UBE2U: variants seen among roughly 807,000 people sequenced by gnomAD.
UBE2U encodes ubiquitin-conjugating enzyme E2 U.
In UBE2U, 39 loss-of-function variants were observed where a neutral mutation model predicts 41.2. The observed-to-expected ratio is 0.95, with a 90% confidence interval of 0.73 to 1.24. The LOEUF is 1.24. UBE2U is among the 50% of genes most tolerant of loss of function. The probability of loss-of-function intolerance (pLI) is 0.00; values close to 1 mark genes in which losing one functional copy is unlikely to be tolerated. For synonymous variants in UBE2U, 107 were observed against 117.8 expected, an observed-to-expected ratio of 0.91 and a Z score of 0.60; for missense variants, 336 against 363.1, an observed-to-expected ratio of 0.93 and a Z score of 0.61.
chr1:64,210,456 A>G (rs1651595713), intron 3 of UBE2U, among the ~76,000 whole-genome samples: 1 of 152,182 alleles, frequency 6.6e-6, no homozygotes, highest in African/African-American at 2.4e-5. Context: ...AGACTCAGAA[A>G]TTGCACACTT....
chr1:64,211,449 T>C (rs1219431433), intron 4 of UBE2U, among the ~76,000 whole-genome samples: 1 of 152,204 alleles, frequency 6.6e-6, no homozygotes, highest in Non-Finnish European at 1.5e-5. Flanking sequence ...CTTTTCTTTT[T>C]TTCTTTTTGA....
chr1:64,249,021 C>T (rs11586998), intron 8 of UBE2U, among the ~76,000 whole-genome samples: 25,622 of 152,052 alleles, frequency 0.17, 2,492 homozygotes, highest in East Asian at 0.42. Context: ...TTTAAAGAAA[C>T]ATAACAAAAT....
At position 64,260,672 on chromosome 1, in the gene UBE2U, A is replaced by C; in HGVS notation, c.747A>C (p.Glu249Asp). 6.5e-7 allele frequency: 1 copy of C among 1,549,730 alleles called. No individual in the cohort carries two copies. The highest frequency in any genetic ancestry group is 2.5e-5 in the East Asian group (1 of 40,810). The part of the protein sequence containing the change: ...MPHEVTHSME[E>D]IKLCPTLNEI... ...ATGAAGTCACTCACTCAATGGAAGA[A>C]ATTAAGCTCTGCCCAACTCTAAGTA... Residue 249 changes from glutamate (E) to aspartate (D), a missense_variant, in exon 9 of 10, where the codon GAA becomes GAC. Transcript: ENST00000371077.
Position 64,239,157 on chromosome 1 carries a change from A to AAGAAGAAGAAGAAGAGAAGAAG in UBE2U, c.596-2494_596-2493insGAAGAAGAAGAAGAGAAGAAGA. ...GAAGAAGAAGAAGAAGAAGAAGAAGAAAGAAGAAGAAGAAGAAGAAGAAGA... is the reference window on the plus strand; with the variant it reads ...GAAGAAGAAGAAGAAGAAGAAGAAGAAGAAGAAGAAGAAGAGAAGAAGAAGAAGAAGAAGAAGAAGAAGAAGA... On this transcript the variant is annotated intron_variant, in intron 7 of 9. Transcript: ENST00000371077. Among the ~76,000 whole-genome samples, 5 of 37,068 alleles carry AAGAAGAAGAAGAAGAGAAGAAG rather than the reference A, an allele frequency of 1.3e-4. No individual in the cohort carries two copies. The East Asian group carries it at 4.1e-3, about 31-fold the overall frequency. 24.3% of individuals were successfully genotyped at this position (37,068 alleles called of 152,430 possible).
intron 8 of UBE2U, among the ~76,000 whole-genome samples, chr1:64,248,569 G>GTTT (rs60816978): frequency 5.9e-4 from 85 of 144,742 alleles, no homozygotes; most frequent in Admixed American, 7.6e-4. Flanking sequence ...CATTTTACTT[G>GTTT]TTTTTTTTTT....
intron 6 of UBE2U, among the ~76,000 whole-genome samples, chr1:64,230,235 C>T (rs994159211): frequency 6.6e-6 from 1 of 152,162 alleles, no homozygotes; most frequent in Non-Finnish European, 1.5e-5. Context: ...GGTCCCCTGG[C>T]ATTTAATCTC....
chr1:64,214,784 G>A (rs994653914), intron 4 of UBE2U, 31 bp from the exon 5 acceptor site: 2 of 1,587,798 alleles, frequency 1.3e-6, no homozygotes, highest in African/African-American at 2.7e-5. Flanking sequence ...GTTTACTTCT[G>A]AAATTATATG....
At chr1:64,244,305 A>G in intron 8 of UBE2U, 1 of 1,059,914 alleles carries the variant, frequency 9.4e-7, no homozygotes, top group Non-Finnish European at 1.2e-6. Context: ...TATATATATG[A>G]TTTCATTCGA....
At chr1:64,244,078 C>G (rs372094272) in intron 8 of UBE2U, 16 of 1,293,244 alleles carry the variant, frequency 1.2e-5, no homozygotes, top group Non-Finnish European at 1.8e-5. Flanking sequence ...TCATAAAGTT[C>G]GCTATTATTC....
intron 1 of UBE2U, among the ~76,000 whole-genome samples, chr1:64,204,989 A>G (rs1253627847): frequency 6.6e-6 from 1 of 152,174 alleles, no homozygotes; most frequent in Non-Finnish European, 1.5e-5. Context: ...AGAGAATCCA[A>G]TGAAGGAATA....
At chr1:64,219,564 G>A (rs1652276534) in intron 5 of UBE2U, among the ~76,000 whole-genome samples, 1 of 150,850 alleles carries the variant, frequency 6.6e-6, no homozygotes, top group African/African-American at 2.4e-5. Context: ...TTGAATGTTG[G>A]GTCTATTGAT....
rs888127808 is a variant in UBE2U at position 64,203,730 on chromosome 1, G to A, written c.-321G>A. Reference sequence around the variant, plus strand: ...CACCTCTCACTCCCACTCACGCGCCGACGACATGGGCTTGTCTCCGTTACT... The same window carrying A: ...CACCTCTCACTCCCACTCACGCGCCAACGACATGGGCTTGTCTCCGTTACT... On this transcript the variant is annotated 5_prime_UTR_variant, in exon 1 of 10. Coordinates refer to ENST00000371077, the MANE Select transcript of UBE2U (RefSeq NM_001366232.2). 15 of 250,298 alleles carry A rather than the reference G, an allele frequency of 6.0e-5. No homozygotes were observed. Among genetic ancestry groups the A allele is most frequent in the African/African-American group, 3.1e-4 (14 of 45,206 alleles). 15.5% of individuals were successfully genotyped at this position (250,298 alleles called of 1,614,324 possible). A position where few individuals can be genotyped will look rare whatever the true frequency, so the allele number is the denominator to read the frequency against.
At chr1:64,222,897 G>A (rs1378356515) in intron 6 of UBE2U, among the ~76,000 whole-genome samples, 1 of 152,164 alleles carries the variant, frequency 6.6e-6, no homozygotes, top group Non-Finnish European at 1.5e-5. Context: ...AAAAGACATA[G>A]CAAAACTTAG....
At chr1:64,265,059 A>C (rs1394816842) in intron 9 of UBE2U, among the ~76,000 whole-genome samples, 1 of 152,196 alleles carries the variant, frequency 6.6e-6, no homozygotes, top group Admixed American at 6.5e-5. Flanking sequence ...GTCCACTCTT[A>C]AAAATGAGAT....
intron 5 of UBE2U, chr1:64,215,525 G>A (rs1651945634): frequency 1.3e-5 from 2 of 152,218 alleles, no homozygotes; most frequent in Non-Finnish European, 2.9e-5. Flanking sequence ...CCATCATAAA[G>A]GTATGACATC....
intron 8 of UBE2U, among the ~76,000 whole-genome samples, chr1:64,254,401 C>A: frequency 6.6e-6 from 1 of 151,652 alleles, no homozygotes; most frequent in East Asian, 1.9e-4. Flanking sequence ...AGCTCTGGGT[C>A]AGGTGGACCT....
intron 8 of UBE2U, among the ~76,000 whole-genome samples, chr1:64,250,194 T>C (rs1046765609): frequency 2.6e-5 from 4 of 152,096 alleles, no homozygotes; most frequent in Non-Finnish European, 5.9e-5. Flanking sequence ...AAAATGAAGG[T>C]AAAATAAAAA....
In UBE2U at chr1:64,218,085, A is replaced by G. The variant is rs575766765; in HGVS notation, c.458-2774A>G. 2.6e-5 allele frequency among the ~76,000 whole-genome samples: 4 copies of G among 152,286 alleles called. No homozygotes were observed. The South Asian group carries it at 6.2e-4, about 24-fold the overall frequency. Reference sequence around the variant, plus strand: ...TATACTTCTTTGGTTAGGTGTAAGTATACCCCTTCCCCTGAGAAATATACT... The same window carrying G: ...TATACTTCTTTGGTTAGGTGTAAGTGTACCCCTTCCCCTGAGAAATATACT... On this transcript the variant is annotated intron_variant, in intron 5 of 9. Coordinates refer to ENST00000371077, the MANE Select transcript of UBE2U (RefSeq NM_001366232.2).
chr1:64,260,616 A>G lies in UBE2U; in HGVS notation c.691A>G (p.Lys231Glu), dbSNP rs1392687327. Residue 231 changes from lysine (K) to glutamate (E), a missense_variant, in exon 9 of 10, where the codon AAG becomes GAG. Lys to Glu is a moderately conservative substitution (Grantham distance 56). Coordinates refer to ENST00000371077, the MANE Select transcript of UBE2U (RefSeq NM_001366232.2). The stretch of plus-strand genomic sequence containing the variant: ...TTCTCTTTCTAGGTATTCCGTTATC[A>G]AGTGTTGGCTTGCTAGAAAAAGAAT... Reference protein sequence around the residue: ...KEWNLKYSVIKCWLARKRMPH... With the variant: ...KEWNLKYSVIECWLARKRMPH... The G allele has an allele frequency of 6.5e-7, 1 of 1,548,722 alleles. No homozygotes were observed. The highest frequency in any genetic ancestry group is 1.4e-5 in the African/African-American group (1 of 72,994).
Sources: gnomAD v4.1 joint callset for allele counts (sites outside exome capture counted in the v4.1 genomes callset) on GRCh38, gnomAD v4.1.1 for gene constraint, MANE v1.5 for transcripts, NCBI Gene and HGNC (gene_info 2026-07-23, HGNC 2026-07-21) for gene names.